EYS: variants seen among roughly 807,000 people sequenced by gnomAD.
EYS encodes EGF-like photoreceptor maintenance factor, also known as protein eyes shut homolog.
Under a neutral mutation model 282.1 loss-of-function variants are expected in EYS, and 250 were observed. The observed-to-expected ratio is 0.89, with a 90% CI of 0.80 to 0.98. The LOEUF (loss-of-function observed/expected upper bound fraction) is 0.98. Ranked by LOEUF, EYS falls within the 50% of genes least tolerant of loss-of-function variation. EYS has a pLI of 0.00. For missense variants in EYS, 4,016 were observed against 3,709.0 expected, an observed-to-expected ratio of 1.08 and a Z score of -2.15; for synonymous variants, 1,355 against 1,282.9, an observed-to-expected ratio of 1.06 and a Z score of -1.20.
At chr6:65,414,763 G>T (rs1242770019) in intron 5 of EYS, among the ~76,000 whole-genome samples, 3 of 152,108 alleles carry the variant, frequency 2.0e-5, no homozygotes, top group East Asian at 1.9e-4. Context: ...CCGGGGTGAG[G>T]TCATAAGTGA....
intron 15 of EYS, among the ~76,000 whole-genome samples, chr6:64,938,030 A>G (rs1490121218): frequency 2.6e-5 from 4 of 151,668 alleles, no homozygotes; most frequent in African/African-American, 7.2e-5. Flanking sequence ...CAAAAAACAT[A>G]TATTGCATGA....
At chr6:64,784,605 G>A (rs1361307707) in intron 22 of EYS, among the ~76,000 whole-genome samples, 1 of 152,102 alleles carries the variant, frequency 6.6e-6, no homozygotes, top group East Asian at 1.9e-4. Flanking sequence ...TACTTGTTGA[G>A]TAAATTATTT....
chr6:64,296,224 G>C (rs1200479652), intron 30 of EYS, among the ~76,000 whole-genome samples: 1 of 152,026 alleles, frequency 6.6e-6, no homozygotes, highest in Non-Finnish European at 1.5e-5. Context: ...TGTATGTGTT[G>C]GGAGGCCAGA....
intron 1 of EYS, among the ~76,000 whole-genome samples, chr6:65,694,427 A>G (rs924827878): frequency 2.7e-5 from 4 of 148,090 alleles, no homozygotes; most frequent in Admixed American, 6.8e-5. Flanking sequence ...GATGCAATTT[A>G]ATATTTTTGG....
chr6:64,730,688 G>A (rs980147440), intron 22 of EYS: 2 of 152,042 alleles, frequency 1.3e-5, no homozygotes, highest in South Asian at 4.2e-4. Context: ...ATGTTGGCCA[G>A]GATGGTCTCC....
At position 63,720,558 on chromosome 6, in the gene EYS, A is replaced by G. The variant is rs1409422595; in HGVS notation, c.*38T>C. The G allele has an allele frequency of 7.3e-7, 1 of 1,377,372 alleles. No individual in the cohort carries two copies. The highest frequency in any genetic ancestry group is 2.5e-5 in the East Asian group (1 of 39,520). The allele number at this position is 1,377,372 out of a possible 1,614,324, so 85.3% of individuals were successfully genotyped here. ...AAGAAATAACTATCAAAATAACTGC[A>G]TTTATGTATAGTGTGTACTAAAATC... On this transcript the variant is annotated 3_prime_UTR_variant, in exon 43 of 43. Coordinates refer to ENST00000503581, the MANE Select transcript of EYS (RefSeq NM_001142800.2).
chr6:63,897,062 C>CAGTA (rs1449598186), intron 35 of EYS, among the ~76,000 whole-genome samples: 5 of 152,168 alleles, frequency 3.3e-5, no homozygotes, highest in Non-Finnish European at 7.3e-5. Flanking sequence ...ATATATAAAG[C>CAGTA]AGTAAGTACT....
chr6:65,073,239 C>G (rs1349514897), intron 12 of EYS, among the ~76,000 whole-genome samples: 1 of 151,200 alleles, frequency 6.6e-6, no homozygotes, highest in Non-Finnish European at 1.5e-5. Context: ...CATATTATGC[C>G]AGAAAAAATG....
rs557964430 is a variant in EYS, at chr6:65,498,534, A to C, written c.-332-2541T>G. On this transcript the variant is annotated intron_variant, in intron 2 of 42. Coordinates refer to ENST00000503581, the MANE Select transcript of EYS (RefSeq NM_001142800.2). ...GTGAGCCCACATTATTGTGGGGCTA[A>C]TCCCATGGTTCTTAGAGCACGCTGG... Among the ~76,000 whole-genome samples, 11 of 152,128 alleles carry C rather than the reference A, an allele frequency of 7.2e-5. No individual in the cohort carries two copies. In the South Asian group the frequency reaches 2.1e-3, roughly 29 times the overall value.
chr6:65,581,654 A>G (rs1377822737), intron 2 of EYS, among the ~76,000 whole-genome samples: 1 of 152,144 alleles, frequency 6.6e-6, no homozygotes, highest in African/African-American at 2.4e-5. Flanking sequence ...CTTATTAACC[A>G]AAATCCTTGT....
intron 5 of EYS, among the ~76,000 whole-genome samples, chr6:65,435,682 G>GA (rs1192130555): frequency 2.6e-5 from 4 of 152,076 alleles, no homozygotes; most frequent in African/African-American, 9.7e-5. Context: ...ACTAAGGACT[G>GA]AATTGTGTCC....
intron 35 of EYS, among the ~76,000 whole-genome samples, chr6:63,948,290 C>T (rs181041711): frequency 1.3e-5 from 2 of 152,336 alleles, no homozygotes; most frequent in Admixed American, 1.3e-4. Flanking sequence ...TCTTCTCCCA[C>T]AAGATGAATT....
intron 36 of EYS, among the ~76,000 whole-genome samples, chr6:63,826,111 C>A (rs946359483): frequency 6.6e-6 from 1 of 152,084 alleles, no homozygotes; most frequent in African/African-American, 2.4e-5. Context: ...TCTGGAAAGT[C>A]TTAACAATAG....
At chr6:65,300,145 C>G (rs1040979091) in intron 11 of EYS, among the ~76,000 whole-genome samples, 13 of 152,106 alleles carry the variant, frequency 8.5e-5, no homozygotes, top group African/African-American at 3.1e-4. Flanking sequence ...CCTCAATATG[C>G]AAAATACATT....
At chr6:63,829,687 C>G (rs1771573012) in intron 36 of EYS, among the ~76,000 whole-genome samples, 1 of 152,214 alleles carries the variant, frequency 6.6e-6, no homozygotes, top group Non-Finnish European at 1.5e-5. Flanking sequence ...ACTTAAACGT[C>G]CCTGTCTGAC....
intron 13 of EYS, among the ~76,000 whole-genome samples, chr6:65,049,007 A>G (rs1773188653): frequency 6.6e-6 from 1 of 151,872 alleles, no homozygotes; most frequent in African/African-American, 2.4e-5. Flanking sequence ...AAGAAAAGTA[A>G]CCACATGAGA....
At chr6:64,232,233 A>G (rs1469058531) in intron 30 of EYS, among the ~76,000 whole-genome samples, 6 of 152,068 alleles carry the variant, frequency 3.9e-5, no homozygotes, top group Non-Finnish European at 7.4e-5. Context: ...CTGGATTGCA[A>G]TCTACATGAA....
intron 16 of EYS, among the ~76,000 whole-genome samples, chr6:64,905,875 A>T (rs1321403764): frequency 6.6e-6 from 1 of 152,126 alleles, no homozygotes; most frequent in African/African-American, 2.4e-5. Flanking sequence ...AATAGGGAAA[A>T]AAACTAGTGT....
intron 30 of EYS, among the ~76,000 whole-genome samples, chr6:64,286,745 A>G (rs1046296387): frequency 6.6e-6 from 1 of 152,142 alleles, no homozygotes; most frequent in African/African-American, 2.4e-5. Flanking sequence ...TCTGAATATT[A>G]TCACTTTACT....
Sources: gnomAD v4.1 joint callset for allele counts (sites outside exome capture counted in the v4.1 genomes callset) on GRCh38, gnomAD v4.1.1 for gene constraint, MANE v1.5 for transcripts, NCBI Gene and HGNC (gene_info 2026-07-23, HGNC 2026-07-21) for gene names.